MGA: variants seen among roughly 807,000 people sequenced by gnomAD.
MGA encodes MAX dimerization protein MGA.
A neutral mutation model predicts 261.1 loss-of-function variants in MGA; 40 were observed. The observed-to-expected ratio is 0.15, with a 90% CI of 0.12 to 0.20. The LOEUF (loss-of-function observed/expected upper bound fraction) is 0.20. Ranked by LOEUF, MGA falls within the 10% of genes least tolerant of loss-of-function variation. The probability of loss-of-function intolerance (pLI) is 1.00; values close to 1 mark genes in which losing one functional copy is unlikely to be tolerated. For synonymous variants in MGA, 1,302 were observed against 1,290.6 expected (o/e 1.01, Z -0.19); for missense variants, 3,397 against 3,630.5 (o/e 0.94, Z 1.65).
At chr15:41,661,351 C>A (rs543611568) in intron 1 of MGA, among the ~76,000 whole-genome samples, 1 of 150,916 alleles carries the variant, frequency 6.6e-6, no homozygotes, top group Non-Finnish European at 1.5e-5. Flanking sequence ...CACCGCCCCC[C>A]CAAAGCTCCA....
intron 1 of MGA, among the ~76,000 whole-genome samples, chr15:41,641,394 C>T (rs2056815977): frequency 6.6e-6 from 1 of 151,578 alleles, no homozygotes; most frequent in South Asian, 2.1e-4. Context: ...TGCTTAACTT[C>T]TCGAGAAACT....
At chr15:41,762,086 T>C (rs1322999382) in intron 21 of MGA, 43 bp from the exon 22 acceptor site, 2 of 1,441,518 alleles carry the variant, frequency 1.4e-6, no homozygotes, top group African/African-American at 1.4e-5. Flanking sequence ...TCTCATTATG[T>C]GGCGTAATGC....
At chr15:41,628,349 A>G (rs1430281920) in intron 1 of MGA, among the ~76,000 whole-genome samples, 3 of 146,992 alleles carry the variant, frequency 2.0e-5, no homozygotes, top group Non-Finnish European at 3.0e-5. Context: ...CCTGGGTGAC[A>G]GAGCAAGACT....
At chr15:41,623,689 T>C (rs2140903154) in intron 1 of MGA, among the ~76,000 whole-genome samples, 1 of 149,752 alleles carries the variant, frequency 6.7e-6, no homozygotes, top group South Asian at 2.1e-4. Flanking sequence ...ATCGCGCCAT[T>C]GCACTCCAGC....
chr15:41,664,835 G>C (rs1299837822), intron 1 of MGA, among the ~76,000 whole-genome samples: 1 of 152,058 alleles, frequency 6.6e-6, no homozygotes, highest in Non-Finnish European at 1.5e-5. Flanking sequence ...GTCTCTGATA[G>C]GTATCGCCTA....
chr15:41,762,338 T>G lies in MGA; in HGVS notation c.7720T>G (p.Ser2574Ala), dbSNP rs531131488. Reference sequence around the variant, plus strand: ...CAGGAGGGGGAAACCTTTGATTCTTTCCAGAAAAAAAGACCAGGCCACAGG... The same window carrying G: ...CAGGAGGGGGAAACCTTTGATTCTTGCCAGAAAAAAAGACCAGGCCACAGG... Residue 2574 changes from serine (S) to alanine (A), a missense_variant, in exon 22 of 24, where the codon TCC (serine) becomes GCC (alanine). Physicochemically the swap from Ser to Ala is moderately conservative, Grantham distance 99. This residue lies in a region of MGA where 647 missense variants were observed against 642.4 expected (regional missense o/e 1.01). Coordinates refer to ENST00000219905, the MANE Select transcript of MGA (RefSeq NM_001164273.2). The G allele has an allele frequency of 1.2e-6, 2 of 1,613,202 alleles. No homozygotes were observed. Among genetic ancestry groups the G allele is most frequent in the Non-Finnish European group, 1.7e-6 (2 of 1,179,688 alleles).
At position 41,711,357 on chromosome 15, in the gene MGA, G is replaced by A. The variant is rs770245548; in HGVS notation, c.3084+8G>A. ...ACTCTACTTACAGCTCAAGTAAGTA[G>A]CTGCTGTTTTCTGGAGGTATATTAG... On this transcript the variant is annotated splice_region_variant and intron_variant, in intron 8 of 23. Transcript: ENST00000219905. 1.3e-6 allele frequency: 2 copies of A among 1,579,520 alleles called. No homozygotes were observed. The highest frequency in any genetic ancestry group is 1.7e-6 in the Non-Finnish European group (2 of 1,164,616).
At chr15:41,705,879 G>A (rs1000072556) in intron 5 of MGA, among the ~76,000 whole-genome samples, 1 of 152,178 alleles carries the variant, frequency 6.6e-6, no homozygotes, top group Non-Finnish European at 1.5e-5. Flanking sequence ...AGTTGATTGG[G>A]AACATGAGGA....
intron 2 of MGA, chr15:41,684,758 T>C (rs2058860973): frequency 6.1e-6 from 1 of 163,724 alleles, no homozygotes. Context: ...TAAGCATTAA[T>C]CTTAAATTAC....
upstream of MGA, among the ~76,000 whole-genome samples, chr15:41,657,861 C>T (rs1176997156): frequency 6.6e-6 from 1 of 152,010 alleles, no homozygotes; most frequent in Non-Finnish European, 1.5e-5. Context: ...TTTTAGAAAT[C>T]AGAACCGAAA....
chr15:41,727,057 C>G (rs898983695), intron 9 of MGA, 123 bp from the exon 10 acceptor site: 31 of 665,526 alleles, frequency 4.7e-5, no homozygotes, highest in Non-Finnish European at 1.8e-5. Context: ...AGGGGGTCGT[C>G]TATTTGATTA....
intron 15 of MGA, among the ~76,000 whole-genome samples, chr15:41,744,245 C>T (rs999798670): frequency 6.6e-6 from 1 of 151,710 alleles, no homozygotes; most frequent in Non-Finnish European, 1.5e-5. Context: ...GCTCTGTTGC[C>T]CAGGCTGGAG....
rs35165330 is a variant in MGA, at chr15:41,643,204, C to CT, written c.-68+21920dup. Among the ~76,000 whole-genome samples the CT allele has an allele frequency of 2.6e-3, 351 of 133,368 alleles. 2 individuals carry two copies. The highest frequency in any genetic ancestry group is 4.6e-3 in the African/African-American group (170 of 36,560). 87.5% of individuals were successfully genotyped at this position (133,368 alleles called of 152,430 possible). A position where few individuals can be genotyped will look rare whatever the true frequency, so the allele number is the denominator to read the frequency against. On this transcript the variant is annotated intron_variant, in intron 1 of 8. Coordinates refer to the MGA transcript ENST00000566718. ...CAGGTGTGAGCCATGGTGCCTGGCTCTTTTTTTTTTTTTTAATTTATTTTA... is the reference window on the plus strand; with the variant it reads ...CAGGTGTGAGCCATGGTGCCTGGCTCTTTTTTTTTTTTTTTAATTTATTTTA...
chr15:41,683,377 C>T (rs750928938), intron 2 of MGA, among the ~76,000 whole-genome samples: 10 of 151,974 alleles, frequency 6.6e-5, no homozygotes, highest in Non-Finnish European at 4.4e-5. Context: ...CAGGTGTGCA[C>T]CACCACACCT....
intron 1 of MGA, among the ~76,000 whole-genome samples, chr15:41,655,368 T>G (rs2057145160): frequency 6.6e-6 from 1 of 151,764 alleles, no homozygotes; most frequent in Non-Finnish European, 1.5e-5. Flanking sequence ...TAGTGGAGCC[T>G]TGCTGTGTTG....
At chr15:41,759,464 A>ATTTTTTT (rs67238224) in intron 19 of MGA, among the ~76,000 whole-genome samples, 1 of 94,608 alleles carries the variant, frequency 1.1e-5, no homozygotes. Flanking sequence ...GTGTGTGTGT[A>ATTTTTTT]TTTTTTTTTT....
At position 41,768,214 on chromosome 15, in the gene MGA, T is replaced by C. The variant is rs550816156; in HGVS notation, c.*934T>C. On this transcript the variant is annotated 3_prime_UTR_variant, in exon 24 of 24. Transcript: ENST00000219905. ...TGGTGCTTGAAGGTTTCATTCACTA[T>C]TACCTGCACAGGATGTAAAGAAAAG... 4 of 152,654 alleles carry C rather than the reference T, an allele frequency of 2.6e-5. No homozygotes were observed. Among genetic ancestry groups the C allele is most frequent in the Non-Finnish European group, 4.4e-5 (3 of 68,042 alleles). 9.5% of individuals were successfully genotyped at this position (152,654 alleles called of 1,614,324 possible).
At chr15:41,710,054 C>G (rs1281961297) in intron 7 of MGA, among the ~76,000 whole-genome samples, 1 of 151,862 alleles carries the variant, frequency 6.6e-6, no homozygotes, top group Admixed American at 6.6e-5. Flanking sequence ...CTCGAACTCC[C>G]GACCTCAGGT....
At chr15:41,682,151 A>AGGTGATCT (rs1471349310) in intron 2 of MGA, among the ~76,000 whole-genome samples, 1 of 152,140 alleles carries the variant, frequency 6.6e-6, no homozygotes. Context: ...TCCTGACCTC[A>AGGTGATCT]GGTGATCTGC....
Sources: allele counts gnomAD v4.1 joint callset (sites outside exome capture counted in the v4.1 genomes callset), GRCh38; gene constraint gnomAD v4.1.1; regional missense constraint gnomAD v4.1.1; transcripts MANE v1.5; gene names NCBI Gene and HGNC (gene_info 2026-07-23, HGNC 2026-07-21).